Variants in IYD observed in about 807,000 individuals in gnomAD.
IYD encodes iodotyrosine deiodinase 1.
In IYD, 25 loss-of-function variants were observed where a neutral mutation model predicts 28.4. The observed-to-expected ratio is 0.88, with a 90% confidence interval of 0.64 to 1.23. The LOEUF (loss-of-function observed/expected upper bound fraction) is 1.23, where lower values mean the gene tolerates loss of function less well. Among genes scored for constraint, IYD ranks in the 50% most tolerant of loss-of-function variants. IYD has a pLI of 0.00. For missense variants in IYD, 352 were observed against 357.9 expected (o/e 0.98, Z 0.13); for synonymous variants, 140 against 130.8 (o/e 1.07, Z -0.48).
intron 4 of IYD, among the ~76,000 whole-genome samples, chr6:150,394,582 C>T (rs527931441): frequency 2.0e-5 from 3 of 152,266 alleles, no homozygotes; most frequent in African/African-American, 4.8e-5. Context: ...TCCCTGGATA[C>T]GTTTACTGTT....
Position 150,369,134 on chromosome 6 carries a change from A to G in IYD, c.103A>G (p.Arg35Gly). The change falls in exon 1 of 5, where the codon AGA becomes GGA. Residue 35 changes from arginine (R) to glycine (G), a missense_variant. Coordinates refer to ENST00000344419, the MANE Select transcript of IYD (RefSeq NM_203395.3). The part of the protein sequence containing the change: ...RSMEKKKGEP[R>G]TRAEARPWVD... ...CATGGAGAAAAAGAAGGGGGAGCCT[A>G]GAACCAGGGCCGAAGCTCGCCCCTG... 6.2e-7 allele frequency: 1 copy of G among 1,614,036 alleles called. No homozygotes were observed. The highest frequency in any genetic ancestry group is 8.5e-7 in the Non-Finnish European group (1 of 1,180,006).
chr6:150,372,113 G>C (rs897678807), intron 1 of IYD, among the ~76,000 whole-genome samples: 3 of 152,132 alleles, frequency 2.0e-5, no homozygotes, highest in African/African-American at 4.8e-5. Context: ...ATATTAACAA[G>C]GTATTAAATG....
chr6:150,373,079 G>C (rs1418272419), intron 1 of IYD, among the ~76,000 whole-genome samples: 1 of 152,138 alleles, frequency 6.6e-6, no homozygotes, highest in East Asian at 1.9e-4. Flanking sequence ...GTGTTAGTGG[G>C]GGATTCTTCT....
rs1417602954 is a variant in IYD, at chr6:150,402,715, A to G, written c.*4478A>G. On this transcript the variant is annotated 3_prime_UTR_variant, in exon 5 of 5. Transcript: ENST00000344419. The stretch of plus-strand genomic sequence containing the variant: ...GTGGAACTAAGATTGACTTCTTCCT[A>G]GACATCTCTGCCTCTGTCCACAAAA... 6.6e-6 allele frequency: 1 copy of G among 152,230 alleles called. No individual in the cohort carries two copies. Among genetic ancestry groups the G allele is most frequent in the Admixed American group, 6.5e-5 (1 of 15,284 alleles). 9.4% of individuals were successfully genotyped at this position (152,230 alleles called of 1,614,324 possible).
intron 1 of IYD, 147 bp from the exon 2 acceptor site, chr6:150,389,205 T>A (rs1020894460): frequency 3.1e-6 from 2 of 643,300 alleles, no homozygotes; most frequent in African/African-American, 3.6e-5. Flanking sequence ...GTGGTAAGGA[T>A]TCTGTAAATC....
In IYD at chr6:150,394,198, C is replaced by T. The variant is rs1582799499; in HGVS notation, c.630C>T (p.His210=). 3.1e-6 allele frequency: 5 copies of T among 1,614,198 alleles called. No homozygotes were observed. The highest frequency in any genetic ancestry group is 4.2e-6 in the Non-Finnish European group (5 of 1,180,034). ...GFAANGKKKV[H]YYNEISVSIA... is the part of the protein sequence containing the mutation. ...CCGCAAATGGCAAGAAAAAAGTCCA[C>T]TACTACAATGAGATCAGTGTTTCCA... The change falls in exon 4 of 5, where the codon CAC becomes CAT. Residue 210 remains histidine (H), a synonymous_variant. Coordinates refer to ENST00000344419, the MANE Select transcript of IYD (RefSeq NM_203395.3).
intron 4 of IYD, among the ~76,000 whole-genome samples, chr6:150,397,324 T>A (rs1778358195): frequency 2.6e-5 from 4 of 151,930 alleles, no homozygotes; most frequent in Admixed American, 2.6e-4. Flanking sequence ...ATCCCAGCAC[T>A]TTGGGAGGCT....
intron 1 of IYD, chr6:150,369,914 G>A (rs1029342641): frequency 4.3e-6 from 3 of 699,398 alleles, no homozygotes; most frequent in Admixed American, 4.0e-5. Flanking sequence ...AGAGGAAGTG[G>A]AGAATTGAGG....
chr6:150,379,540 A>T (rs59762732), intron 1 of IYD, among the ~76,000 whole-genome samples: 3,029 of 152,298 alleles, frequency 0.02, 117 homozygotes, highest in African/African-American at 0.068. Flanking sequence ...CATAGGAGTG[A>T]TTACAGTTTG....
intron 4 of IYD, chr6:150,396,390 A>G: frequency 1.6e-6 from 1 of 637,230 alleles, no homozygotes; most frequent in South Asian, 1.8e-5. Flanking sequence ...AGAGAGTGAA[A>G]GATAAAATAA....
rs1223440160 is a variant in IYD at position 150,404,746 on chromosome 6, T to A, written c.*6509T>A. Reference sequence around the variant, plus strand: ...TTGTTTACTAGTTTTATAAATAGGATAATAAAATGTGTGTATGAGGTCAGA... The same window carrying A: ...TTGTTTACTAGTTTTATAAATAGGAAAATAAAATGTGTGTATGAGGTCAGA... On this transcript the variant is annotated 3_prime_UTR_variant, in exon 5 of 5. Transcript: ENST00000344419. 1 of 152,212 alleles carries A rather than the reference T, an allele frequency of 6.6e-6. No homozygotes were observed. Among genetic ancestry groups the A allele is most frequent in the Non-Finnish European group, 1.5e-5 (1 of 68,034 alleles). The allele number at this position is 152,212 out of a possible 1,614,324, so 9.4% of individuals were successfully genotyped here.
chr6:150,395,314 A>G, intron 4 of IYD: 1 of 934,280 alleles, frequency 1.1e-6, no homozygotes, highest in Admixed American at 2.6e-5. Flanking sequence ...AAAAAAAAAG[A>G]GAGCTTCTTC....
At chr6:150,386,849 C>T (rs1777881237) in intron 1 of IYD, among the ~76,000 whole-genome samples, 1 of 151,906 alleles carries the variant, frequency 6.6e-6, no homozygotes, top group Non-Finnish European at 1.5e-5. Flanking sequence ...TTTCTATATG[C>T]TTATGTTTTA....
intron 1 of IYD, among the ~76,000 whole-genome samples, chr6:150,374,689 G>A (rs894163622): frequency 3.9e-5 from 6 of 152,156 alleles, no homozygotes; most frequent in Non-Finnish European, 8.8e-5. Flanking sequence ...CAACACATGG[G>A]AATTATGGGA....
chr6:150,385,227 T>C (rs1777816583), intron 1 of IYD: 1 of 152,200 alleles, frequency 6.6e-6, no homozygotes, highest in Admixed American at 6.5e-5. Flanking sequence ...TTATATTCTC[T>C]TCTAAAAGCT....
At chr6:150,390,808 C>T (rs1778087208) in intron 2 of IYD, among the ~76,000 whole-genome samples, 1 of 152,122 alleles carries the variant, frequency 6.6e-6, no homozygotes, top group Non-Finnish European at 1.5e-5. Flanking sequence ...AATTGAGGCT[C>T]CTTGGACAAA....
In IYD at chr6:150,376,594, G is replaced by A. The variant is rs187737118; in HGVS notation, c.178+7385G>A. Among the ~76,000 whole-genome samples, 6 of 152,234 alleles carry A rather than the reference G, an allele frequency of 3.9e-5. No individual in the cohort carries two copies. The East Asian group carries it at 1.2e-3, about 29-fold the overall frequency. ...TCTGTCTGCCTGGATTCCCAGGCAA[G>A]GGATCTTAAGACAATTACATTTCTT... On this transcript the variant is annotated intron_variant, in intron 1 of 4. Coordinates refer to ENST00000344419, the MANE Select transcript of IYD (RefSeq NM_203395.3).
At chr6:150,388,634 T>TTGCTTG (rs1562317604) in intron 1 of IYD, among the ~76,000 whole-genome samples, 15 of 43,062 alleles carry the variant, frequency 3.5e-4, no homozygotes, top group African/African-American at 8.4e-4. Context: ...GTTTTTGCTT[T>TTGCTTG]CTTTCTTTCT....
chr6:150,378,311 T>C (rs11962453), intron 1 of IYD, among the ~76,000 whole-genome samples: 8,291 of 138,102 alleles, frequency 0.06, 703 homozygotes, highest in East Asian at 0.2. Flanking sequence ...GTATATCTCC[T>C]AATGCGATCC....
Sources: gnomAD v4.1 joint callset for allele counts (sites outside exome capture counted in the v4.1 genomes callset) on GRCh38, gnomAD v4.1.1 for gene constraint, MANE v1.5 for transcripts, NCBI Gene and HGNC (gene_info 2026-07-23, HGNC 2026-07-21) for gene names.